The following HOXC4 variants were observed in gnomAD, a reference collection of about 807,000 sequenced individuals.
HOXC4 encodes the protein homeobox protein Hox-C4.
HOXC4 carries 15 observed loss-of-function variants against 25.5 expected under a neutral mutation model. The observed-to-expected ratio is 0.59, with a 90% CI of 0.39 to 0.91. The LOEUF (loss-of-function observed/expected upper bound fraction) is 0.91. Among genes scored for constraint, HOXC4 ranks in the 40% least tolerant of loss-of-function variants. HOXC4 has a pLI of 0.00. For synonymous variants in HOXC4, 165 were observed against 148.0 expected, an observed-to-expected ratio of 1.11 and a Z score of -0.83; for missense variants, 342 against 352.4, an observed-to-expected ratio of 0.97 and a Z score of 0.24.
Position 54,054,179 on chromosome 12 carries a change from CG to C in HOXC4, c.260del (p.Gly87AlafsTer48). ...TCGCGAGGCCACGGGCCGGCCCAGG[CG>C]GGCCACCACCACCCCGAGAAATCAC... is the stretch of plus-strand genomic sequence containing the variant. ...GNSRGHGPAQ[A>X]GHHHPEKSQS... On this transcript the variant is annotated frameshift_variant, in exon 1 of 2. Coordinates refer to ENST00000430889, the MANE Select transcript of HOXC4 (RefSeq NM_153633.3). LOFTEE classifies it high-confidence loss of function. 6 of 1,613,564 alleles carry C rather than the reference CG, an allele frequency of 3.7e-6. No homozygotes were observed. Among genetic ancestry groups the C allele is most frequent in the Non-Finnish European group, 5.1e-6 (6 of 1,179,772 alleles).
upstream of HOXC4, among the ~76,000 whole-genome samples, chr12:54,050,304 G>T (rs1254172340): frequency 6.6e-6 from 1 of 152,176 alleles, no homozygotes; most frequent in Non-Finnish European, 1.5e-5. Flanking sequence ...ACGTGTTTCC[G>T]AAAGAGAAAC....
chr12:54,050,121 G>A (rs537945419), upstream of HOXC4, among the ~76,000 whole-genome samples: 213 of 152,286 alleles, frequency 1.4e-3, no homozygotes, highest in African/African-American at 4.9e-3. Context: ...TTTTAATGCA[G>A]CAGAGAATCT....
intron 1 of HOXC4, among the ~76,000 whole-genome samples, 189 bp downstream of exon 1, chr12:54,054,550 T>C (rs1937928281): frequency 6.6e-6 from 1 of 152,062 alleles, no homozygotes; most frequent in Admixed American, 6.5e-5. Flanking sequence ...CCATAAATTT[T>C]ATGGCTTAGC....
intron 1 of HOXC4, among the ~76,000 whole-genome samples, chr12:54,048,154 G>T (rs1412696847): frequency 6.6e-6 from 1 of 152,030 alleles, no homozygotes; most frequent in East Asian, 1.9e-4. Context: ...GGACCCCTTT[G>T]GGCTGGAAAG....
At chr12:54,042,640 C>T (rs1295858136) in intron 1 of HOXC4, among the ~76,000 whole-genome samples, 2 of 152,150 alleles carry the variant, frequency 1.3e-5, no homozygotes, top group African/African-American at 4.8e-5. Context: ...AGACAAGCAC[C>T]ACCACCCTGA....
At chr12:54,047,226 G>A (rs1273391662) in intron 1 of HOXC4, among the ~76,000 whole-genome samples, 1 of 152,272 alleles carries the variant, frequency 6.6e-6, no homozygotes, top group Admixed American at 6.5e-5. Flanking sequence ...ACCGCGGAGA[G>A]CCCAGCTTTG....
At chr12:54,039,821 G>A (rs1401617509) in intron 1 of HOXC4, among the ~76,000 whole-genome samples, 1 of 151,968 alleles carries the variant, frequency 6.6e-6, no homozygotes, top group Non-Finnish European at 1.5e-5. Flanking sequence ...CCCACACCCA[G>A]GCAAGACTCC....
intron 1 of HOXC4, among the ~76,000 whole-genome samples, chr12:54,032,599 G>A (rs1244318554): frequency 6.6e-6 from 1 of 152,140 alleles, no homozygotes; most frequent in African/African-American, 2.4e-5. Flanking sequence ...GTTATAAGTG[G>A]GGCCTCGTCT....
At chr12:54,020,574 G>A (rs1045267173) in intron 1 of HOXC4, 21 of 152,156 alleles carry the variant, frequency 1.4e-4, no homozygotes, top group African/African-American at 5.1e-4. Flanking sequence ...TACAGACTCA[G>A]GCTTATGCAT....
intron 1 of HOXC4, among the ~76,000 whole-genome samples, chr12:54,019,141 C>A (rs1940304660): frequency 6.6e-6 from 1 of 150,804 alleles, no homozygotes; most frequent in African/African-American, 2.4e-5. Context: ...GGTATTCTCC[C>A]GCGGGAAGAA....
rs191836544 is a variant in HOXC4, at chr12:54,047,222, G to A, written c.-123-5938G>A. Reference sequence around the variant, plus strand: ...GGGAGGAGAAAAGCACAGGACCGCGGAGAGCCCAGCTTTGAGGCCAGGCCT... The same window carrying A: ...GGGAGGAGAAAAGCACAGGACCGCGAAGAGCCCAGCTTTGAGGCCAGGCCT... On this transcript the variant is annotated intron_variant, in intron 1 of 3. Transcript: ENST00000303406. Among the ~76,000 whole-genome samples the A allele has an allele frequency of 2.3e-4, 35 of 152,396 alleles. No homozygotes were observed. The East Asian group carries it at 6.8e-3, about 29-fold the overall frequency.
rs1274354688 is a variant in HOXC4, at chr12:54,041,983, T to TTTC, written c.-123-11175_-123-11174insCTT. On this transcript the variant is annotated intron_variant, in intron 1 of 3. Coordinates refer to the HOXC4 transcript ENST00000303406. The stretch of plus-strand genomic sequence containing the variant: ...CAGCCTTTTCTTTTCTTTTCTTTTT[T>TTTC]TTTTTTTTTTTTGAGATGGAGTTTC... 6.7e-3 allele frequency among the ~76,000 whole-genome samples: 989 copies of TTTC among 146,632 alleles called. 11 individuals are homozygous for TTTC. Among genetic ancestry groups the TTTC allele is most frequent in the African/African-American group, 0.024 (948 of 39,136 alleles).
At chr12:54,019,579 C>T (rs1427240841) in intron 1 of HOXC4, among the ~76,000 whole-genome samples, 1 of 152,142 alleles carries the variant, frequency 6.6e-6, no homozygotes, top group Non-Finnish European at 1.5e-5. Flanking sequence ...GGGGGGAACA[C>T]AAGTGTCCTT....
Position 54,054,177 on chromosome 12 carries a change from G to A in HOXC4, c.255G>A (p.Gln85=), listed in dbSNP as rs544432775. 6.2e-7 allele frequency: 1 copy of A among 1,613,618 alleles called. No homozygotes were observed. The highest frequency in any genetic ancestry group is 8.5e-7 in the Non-Finnish European group (1 of 1,179,808). The change falls in exon 1 of 2, where the codon CAG becomes CAA. Residue 85 remains glutamine, a synonymous_variant. Transcript: ENST00000430889. ...ATTCGCGAGGCCACGGGCCGGCCCA[G>A]GCGGGCCACCACCACCCCGAGAAAT... ...PGNSRGHGPA[Q]AGHHHPEKSQ...
chr12:54,033,013 T>A, intron 1 of HOXC4: 1 of 803,880 alleles, frequency 1.2e-6, no homozygotes, highest in East Asian at 2.6e-5. Flanking sequence ...AAGAGATATC[T>A]CCACCTATAA....
At chr12:54,037,128 G>C (rs1232096234) in intron 1 of HOXC4, among the ~76,000 whole-genome samples, 1 of 152,246 alleles carries the variant, frequency 6.6e-6, no homozygotes, top group African/African-American at 2.4e-5. Context: ...GGTCTGCCCA[G>C]GCACCAGCCT....
chr12:54,050,021 G>C (rs962659657), upstream of HOXC4, among the ~76,000 whole-genome samples: 3 of 152,050 alleles, frequency 2.0e-5, no homozygotes, highest in South Asian at 2.1e-4. Context: ...GGAAAGGAAT[G>C]ACCCTCATTT....
chr12:54,045,156 C>T (rs1203926924), intron 1 of HOXC4, among the ~76,000 whole-genome samples: 2 of 152,374 alleles, frequency 1.3e-5, no homozygotes, highest in African/African-American at 4.8e-5. Context: ...CCTCTTCATT[C>T]CTAGGACTCC....
chr12:54,053,702 AC>A (rs201463787), upstream of HOXC4, among the ~76,000 whole-genome samples: 9 of 135,308 alleles, frequency 6.7e-5, no homozygotes, highest in African/African-American at 2.2e-4. Flanking sequence ...ATCACCACCC[AC>A]CCCCGCCTCC....
Sources: gnomAD v4.1 joint callset for allele counts (sites outside exome capture counted in the v4.1 genomes callset) on GRCh38, gnomAD v4.1.1 for gene constraint, MANE v1.5 for transcripts, NCBI Gene and HGNC (gene_info 2026-07-23, HGNC 2026-07-21) for gene names.